The following LHFPL3 variants were observed in gnomAD, a reference collection of about 807,000 sequenced individuals.
The protein encoded by LHFPL3 is LHFPL tetraspan subfamily member 3 protein.
LHFPL3 carries 5 observed loss-of-function variants against 19.3 expected under a neutral mutation model. That is an observed-to-expected ratio of 0.26 (90% CI 0.14 to 0.54). The LOEUF (loss-of-function observed/expected upper bound fraction) is 0.54, where lower values mean the gene tolerates loss of function less well. Ranked by LOEUF, LHFPL3 falls within the 20% of genes least tolerant of loss-of-function variation. The probability of loss-of-function intolerance (pLI) is 0.94; values close to 1 mark genes in which losing one functional copy is unlikely to be tolerated. For synonymous variants in LHFPL3, 133 were observed against 126.2 expected (o/e 1.05, Z -0.36); for missense variants, 249 against 307.4 (o/e 0.81, Z 1.42).
intron 1 of LHFPL3, among the ~76,000 whole-genome samples, chr7:104,340,974 G>A (rs1293111272): frequency 6.6e-6 from 1 of 152,186 alleles, no homozygotes; most frequent in African/African-American, 2.4e-5. Flanking sequence ...TGAACATTTA[G>A]TCATTCTTAC....
chr7:104,811,623 G>C (rs373331197), intron 2 of LHFPL3, among the ~76,000 whole-genome samples: 4 of 152,220 alleles, frequency 2.6e-5, no homozygotes, highest in East Asian at 3.8e-4. Flanking sequence ...TGGATTAGCA[G>C]CATCATTTCA....
At chr7:104,701,174 G>A (rs1421517639) in intron 1 of LHFPL3, among the ~76,000 whole-genome samples, 1 of 152,114 alleles carries the variant, frequency 6.6e-6, no homozygotes, top group Non-Finnish European at 1.5e-5. Flanking sequence ...AGGAATTGCT[G>A]TATTGTCATC....
chr7:104,813,507 C>T (rs1164536500), intron 2 of LHFPL3, among the ~76,000 whole-genome samples: 1 of 152,144 alleles, frequency 6.6e-6, no homozygotes, highest in East Asian at 1.9e-4. Flanking sequence ...TTGTTTCACC[C>T]ACTTGGCCTG....
At chr7:104,332,214 A>ATTTCT (rs199721646) in intron 1 of LHFPL3, among the ~76,000 whole-genome samples, 1 of 101,146 alleles carries the variant, frequency 9.9e-6, no homozygotes, top group African/African-American at 3.7e-5. Context: ...ATAAAATCCT[A>ATTTCT]TTTCTTTTCT....
At chr7:104,728,104 A>G (rs1241564259) in intron 1 of LHFPL3, among the ~76,000 whole-genome samples, 2 of 152,140 alleles carry the variant, frequency 1.3e-5, no homozygotes, top group Admixed American at 6.6e-5. Context: ...AATATGACCC[A>G]CAGTTTTGAA....
chr7:104,519,723 A>G (rs1350008147), intron 1 of LHFPL3, among the ~76,000 whole-genome samples: 1 of 152,136 alleles, frequency 6.6e-6, no homozygotes, highest in Non-Finnish European at 1.5e-5. Flanking sequence ...TTGACTATTA[A>G]CACTGTGGTA....
intron 1 of LHFPL3, chr7:104,470,165 T>C (rs1319486045): frequency 2.3e-6 from 1 of 439,680 alleles, no homozygotes; most frequent in Non-Finnish European, 4.6e-6. Context: ...TTCCCCCTGT[T>C]CTTAGGATCT....
intron 1 of LHFPL3, among the ~76,000 whole-genome samples, chr7:104,419,853 TG>T (rs967335707): frequency 5.3e-5 from 8 of 152,194 alleles, no homozygotes; most frequent in African/African-American, 1.9e-4. Flanking sequence ...GTGTTCTCTA[TG>T]TTAACCCAAA....
chr7:104,681,180 A>AGGATG, intron 1 of LHFPL3, among the ~76,000 whole-genome samples: 1 of 141,850 alleles, frequency 7.0e-6, no homozygotes, highest in Non-Finnish European at 1.5e-5. Flanking sequence ...TTGTTAGGGA[A>AGGATG]GGATGGGATC....
At chr7:104,851,149 T>C (rs1584575657) in intron 2 of LHFPL3, among the ~76,000 whole-genome samples, 1 of 152,360 alleles carries the variant, frequency 6.6e-6, no homozygotes, top group East Asian at 1.9e-4. Flanking sequence ...ATTGTAATGT[T>C]TACTTTGACA....
chr7:104,735,344 T>C (rs1241128898), intron 1 of LHFPL3, among the ~76,000 whole-genome samples: 1 of 152,252 alleles, frequency 6.6e-6, no homozygotes, highest in African/African-American at 2.4e-5. Flanking sequence ...GCAGGCCTCC[T>C]TGAGCTGCGG....
At chr7:104,857,356 A>G (rs1250328316) in intron 2 of LHFPL3, among the ~76,000 whole-genome samples, 1 of 151,914 alleles carries the variant, frequency 6.6e-6, no homozygotes, top group African/African-American at 2.4e-5. Context: ...ACTAATTTCT[A>G]CTCCAATAGT....
intron 1 of LHFPL3, among the ~76,000 whole-genome samples, chr7:104,524,015 CAATT>C (rs1794134154): frequency 6.6e-6 from 1 of 152,132 alleles, no homozygotes; most frequent in East Asian, 1.9e-4. Context: ...CGATTTATAT[CAATT>C]AATATAATAG....
chr7:104,574,907 C>A (rs1011054780), intron 1 of LHFPL3, among the ~76,000 whole-genome samples: 1 of 152,080 alleles, frequency 6.6e-6, no homozygotes, highest in Non-Finnish European at 1.5e-5. Context: ...TATGACACTC[C>A]ATGTATGCAG....
At chr7:104,779,120 C>T (rs1794678974) in intron 2 of LHFPL3, among the ~76,000 whole-genome samples, 1 of 152,220 alleles carries the variant, frequency 6.6e-6, no homozygotes, top group Non-Finnish European at 1.5e-5. Flanking sequence ...ACCTGCAAGA[C>T]TTGCCCCTGC....
chr7:104,411,607 C>T (rs574365127), intron 1 of LHFPL3, among the ~76,000 whole-genome samples: 1 of 152,040 alleles, frequency 6.6e-6, no homozygotes, highest in East Asian at 1.9e-4. Context: ...AATAGGCTAC[C>T]CAGAAGTCCT....
intron 1 of LHFPL3, among the ~76,000 whole-genome samples, chr7:104,678,733 A>G (rs1025314208): frequency 6.6e-6 from 1 of 152,204 alleles, no homozygotes; most frequent in Non-Finnish European, 1.5e-5. Flanking sequence ...ATAAAAAATT[A>G]GCCATAATAA....
intron 1 of LHFPL3, among the ~76,000 whole-genome samples, chr7:104,654,141 A>T (rs1032864929): frequency 6.6e-6 from 1 of 152,172 alleles, no homozygotes. Flanking sequence ...ATGTGATTTA[A>T]TTAATAGGTT....
chr7:104,529,211 G>C (rs1010697290), intron 1 of LHFPL3, among the ~76,000 whole-genome samples: 4 of 152,142 alleles, frequency 2.6e-5, no homozygotes, highest in African/African-American at 9.7e-5. Context: ...TGATTGGCCA[G>C]ACCTTAGTAA....
Sources: allele counts gnomAD v4.1 joint callset (sites outside exome capture counted in the v4.1 genomes callset), GRCh38; gene constraint gnomAD v4.1.1; transcripts MANE v1.5; gene names NCBI Gene and HGNC (gene_info 2026-07-23, HGNC 2026-07-21).